The following FSTL5 variants were observed in gnomAD, a reference collection of about 807,000 sequenced individuals.
The protein encoded by FSTL5 is follistatin like 5.
Under a neutral mutation model 89.1 loss-of-function variants are expected in FSTL5, and 62 were observed. The ratio of observed to expected loss-of-function variants is 0.70; its 90% confidence interval spans 0.57 to 0.86. The LOEUF (loss-of-function observed/expected upper bound fraction) is 0.86, where lower values mean the gene tolerates loss of function less well. Ranked by LOEUF, FSTL5 falls within the 40% of genes least tolerant of loss-of-function variation. FSTL5 has a pLI of 0.00. For missense variants in FSTL5, 1,057 were observed against 1,001.6 expected, an observed-to-expected ratio of 1.06 and a Z score of -0.75; for synonymous variants, 383 against 346.2, an observed-to-expected ratio of 1.11 and a Z score of -1.18.
chr4:161,753,803 G>A (rs1286409811), intron 6 of FSTL5, among the ~76,000 whole-genome samples: 6 of 152,070 alleles, frequency 3.9e-5, no homozygotes, highest in African/African-American at 1.4e-4. Flanking sequence ...AGCACTTTGG[G>A]AGGCCGAGGC....
chr4:161,996,416 C>T (rs1430068139), intron 3 of FSTL5, among the ~76,000 whole-genome samples: 2 of 152,166 alleles, frequency 1.3e-5, no homozygotes, highest in Admixed American at 6.5e-5. Flanking sequence ...ACCAAATGTT[C>T]ACCATCAGTT....
At chr4:161,751,171 C>A (rs6536612) in intron 6 of FSTL5, among the ~76,000 whole-genome samples, 1 of 152,080 alleles carries the variant, frequency 6.6e-6, no homozygotes. Flanking sequence ...ACAAATGGGA[C>A]ATTAAAGGAC....
chr4:162,153,694 T>TGTATATTATATATGTATATAATA (rs1318532786), intron 1 of FSTL5, among the ~76,000 whole-genome samples: 22,493 of 124,638 alleles, frequency 0.18, 2,674 homozygotes, highest in Non-Finnish European at 0.24. Context: ...TATAATAATA[T>TGTATATTATATATGTATATAATA]ATATGTATAT....
intron 6 of FSTL5, among the ~76,000 whole-genome samples, chr4:161,684,947 CCA>C (rs1435205900): frequency 6.6e-6 from 1 of 152,164 alleles, no homozygotes; most frequent in Non-Finnish European, 1.5e-5. Flanking sequence ...AGACGAAGAT[CCA>C]GTTTCATTCT....
At chr4:161,468,632 G>A (rs1346043922) in intron 13 of FSTL5, among the ~76,000 whole-genome samples, 4 of 152,060 alleles carry the variant, frequency 2.6e-5, no homozygotes, top group African/African-American at 9.7e-5. Context: ...GTATTCCTAA[G>A]TCAGTTCATT....
At position 162,086,053 on chromosome 4, in the gene FSTL5, T is replaced by C. The variant is rs149676745; in HGVS notation, c.126+25218A>G. Among the ~76,000 whole-genome samples the C allele has an allele frequency of 7.9e-3, 1,204 of 152,192 alleles. 12 individuals carry two copies. Among genetic ancestry groups the C allele is most frequent in the Non-Finnish European group, 9.0e-3 (614 of 67,984 alleles). ...ATTGGTAGCCACAGGGCATTGTCAA[T>C]GTGGAAGCTAGATGTAATATTTAAT... is the stretch of plus-strand genomic sequence containing the variant. On this transcript the variant is annotated intron_variant, in intron 2 of 15. Coordinates refer to ENST00000306100, the MANE Select transcript of FSTL5 (RefSeq NM_020116.5).
chr4:161,874,448 C>T (rs1191420659), intron 4 of FSTL5, among the ~76,000 whole-genome samples: 5 of 151,900 alleles, frequency 3.3e-5, no homozygotes, highest in Admixed American at 2.0e-4. Flanking sequence ...GAGGATATTG[C>T]ACTACTGGAA....
chr4:161,494,149 T>C (rs1264107518), intron 12 of FSTL5, among the ~76,000 whole-genome samples: 1 of 152,124 alleles, frequency 6.6e-6, no homozygotes, highest in East Asian at 1.9e-4. Context: ...AGGAAGCTCT[T>C]TGCAGGATAT....
chr4:162,018,000 C>T (rs1736965771), intron 3 of FSTL5, among the ~76,000 whole-genome samples: 1 of 152,104 alleles, frequency 6.6e-6, no homozygotes, highest in South Asian at 2.1e-4. Context: ...TGTCTGTTCC[C>T]CTCCTTGCAA....
intron 3 of FSTL5, among the ~76,000 whole-genome samples, chr4:161,994,454 C>A (rs533926337): frequency 3.4e-4 from 52 of 152,166 alleles, no homozygotes; most frequent in Non-Finnish European, 6.9e-4. Flanking sequence ...TGAGAAATCG[C>A]CATACTGCTT....
At chr4:161,992,867 T>A (rs1304283339) in intron 3 of FSTL5, among the ~76,000 whole-genome samples, 2,343 of 65,046 alleles carry the variant, frequency 0.036, 31 homozygotes, top group South Asian at 0.054. Flanking sequence ...AAAAAATATA[T>A]ATATATATAT....
chr4:161,405,800 G>C (rs548703785), intron 15 of FSTL5, among the ~76,000 whole-genome samples: 6 of 152,028 alleles, frequency 3.9e-5, no homozygotes, highest in Non-Finnish European at 8.8e-5. Flanking sequence ...CAAAGGAAGC[G>C]ACTCATCATG....
chr4:162,085,692 T>C (rs1730290500), intron 2 of FSTL5, among the ~76,000 whole-genome samples: 1 of 152,076 alleles, frequency 6.6e-6, no homozygotes, highest in Admixed American at 6.6e-5. Context: ...TAATGATACT[T>C]GACAAAGTAT....
chr4:161,600,437 T>C lies in FSTL5; in HGVS notation c.895-12862A>G, dbSNP rs188245543. ...TAAATGGTTGCAAAGTATAGATATA[T>C]CTCTTTTTTTTAATTGTAAGTGACC... On this transcript the variant is annotated intron_variant, in intron 7 of 15. Transcript: ENST00000306100. Among the ~76,000 whole-genome samples, 13 of 146,204 alleles carry C rather than the reference T, an allele frequency of 8.9e-5. No individual in the cohort carries two copies. The East Asian group carries it at 2.6e-3, about 30-fold the overall frequency.
intron 6 of FSTL5, among the ~76,000 whole-genome samples, chr4:161,717,577 T>C (rs543439617): frequency 6.6e-6 from 1 of 152,334 alleles, no homozygotes; most frequent in South Asian, 2.1e-4. Context: ...GAGGGCTGAA[T>C]CTTTGGAGTC....
intron 4 of FSTL5, among the ~76,000 whole-genome samples, chr4:161,832,185 A>C (rs895563294): frequency 1.3e-5 from 2 of 152,092 alleles, no homozygotes; most frequent in Non-Finnish European, 2.9e-5. Flanking sequence ...TGACTAACGA[A>C]GTTCCCAGGG....
chr4:161,800,458 T>C (rs541666651), intron 4 of FSTL5, among the ~76,000 whole-genome samples: 1 of 151,780 alleles, frequency 6.6e-6, no homozygotes, highest in African/African-American at 2.4e-5. Flanking sequence ...AGAGTCTTCA[T>C]ATAGTCTAAA....
chr4:161,943,538 C>CTT lies in FSTL5; in HGVS notation c.161-22888_161-22887dup, dbSNP rs77101651. ...GACTTTTACATCAGAACCACTGTAT[C>CTT]TTTTTTTTTTTTTTTTTTTTTTTTT... is the stretch of plus-strand genomic sequence containing the variant. On this transcript the variant is annotated intron_variant, in intron 3 of 15. Transcript: ENST00000306100. Among the ~76,000 whole-genome samples the CTT allele has an allele frequency of 7.9e-4, 27 of 34,364 alleles. 8 individuals are homozygous for CTT. Among genetic ancestry groups the CTT allele is most frequent in the African/African-American group, 3.0e-3 (24 of 8,066 alleles). The allele number at this position is 34,364 out of a possible 152,430, so 22.5% of individuals were successfully genotyped here.
At chr4:161,748,008 T>C (rs1740261327) in intron 6 of FSTL5, among the ~76,000 whole-genome samples, 1 of 152,138 alleles carries the variant, frequency 6.6e-6, no homozygotes. Flanking sequence ...AGATTATAAA[T>C]TTAAAAAGAA....
Sources: allele counts gnomAD v4.1 joint callset (sites outside exome capture counted in the v4.1 genomes callset), GRCh38; gene constraint gnomAD v4.1.1; transcripts MANE v1.5; gene names NCBI Gene and HGNC (gene_info 2026-07-23, HGNC 2026-07-21).